The following TASOR2 variants were observed in gnomAD, a reference collection of about 807,000 sequenced individuals.
TASOR2 encodes transcription activation suppressor family member 2.
A neutral mutation model predicts 199.5 loss-of-function variants in TASOR2; 84 were observed. That is an observed-to-expected ratio of 0.42 (90% CI 0.35 to 0.50). TASOR2 has a LOEUF of 0.50. TASOR2 is among the 20% of genes least tolerant of loss of function. The pLI, the probability that TASOR2 is intolerant of heterozygous loss-of-function variation, is 0.02. For synonymous variants in TASOR2, 1,103 were observed against 1,046.6 expected (o/e 1.05, Z -1.04); for missense variants, 2,796 against 2,835.9 (o/e 0.99, Z 0.32).
intron 15 of TASOR2, among the ~76,000 whole-genome samples, chr10:5,755,304 G>A (rs1212317857): frequency 3.3e-5 from 5 of 152,114 alleles, no homozygotes; most frequent in African/African-American, 1.2e-4. Context: ...GCCACACAGT[G>A]GCTCTCGCCT....
chr10:5,748,719 C>T lies in TASOR2; in HGVS notation c.5298C>T (p.Asn1766=). The change falls in exon 15 of 21, where the codon AAC becomes AAT. Residue 1766 remains asparagine (N), a synonymous_variant. Coordinates refer to ENST00000328090, the Ensembl canonical transcript of TASOR2. This position sits in a 1 kb window ranked among gnomAD's most constrained non-coding sequence, Gnocchi z 5.1. ...AAAATACAGCAGACACCAAGGAAAA[C>T]CTCAGTAAAGAGCCTTTGGCCTCCT... 6.2e-7 allele frequency: 1 copy of T among 1,614,202 alleles called. No homozygotes were observed. The highest frequency in any genetic ancestry group is 8.5e-7 in the Non-Finnish European group (1 of 1,180,044).
intron 1 of TASOR2, 33 bp from the exon 2 acceptor site, chr10:5,712,790 A>G: frequency 9.4e-7 from 1 of 1,065,734 alleles, no homozygotes; most frequent in Non-Finnish European, 1.2e-6. Flanking sequence ...GTATGTTTAT[A>G]GCGTTTGGTT....
At position 5,719,812 on chromosome 10, in the gene TASOR2, A is replaced by G. The variant is rs893076609; in HGVS notation, c.-99-732A>G. Among the ~76,000 whole-genome samples the G allele has an allele frequency of 6.6e-6, 1 of 152,184 alleles. No homozygotes were observed. The highest frequency in any genetic ancestry group is 2.4e-5 in the African/African-American group (1 of 41,438). ...GGCCCTGTCATAATAGAAGTATCTC[A>G]GTTTATAATTTACAACTGATCATAG... On this transcript the variant is annotated intron_variant, in intron 3 of 20. Coordinates refer to ENST00000328090, the Ensembl canonical transcript of TASOR2. This position sits in a 1 kb window ranked among gnomAD's most constrained non-coding sequence, Gnocchi z 4.1.
At position 5,707,654 on chromosome 10, in the gene TASOR2, T is replaced by TTCTC. The variant is rs55766705; in HGVS notation, c.-287-5153_-287-5150dup. Among the ~76,000 whole-genome samples, 79 of 135,728 alleles carry TTCTC rather than the reference T, an allele frequency of 5.8e-4. 1 individual carries two copies. Among genetic ancestry groups the TTCTC allele is most frequent in the Middle Eastern group, 7.9e-3 (2 of 252 alleles). 89.0% of individuals were successfully genotyped at this position (135,728 alleles called of 152,430 possible). ...AGAGTAATTAAGATTCTCATTCTCT[T>TTCTC]TCTCTCTCTCTCTCTCTCTGTCTCC... On this transcript the variant is annotated intron_variant, in intron 1 of 20. Transcript: ENST00000328090.
intron 20 of TASOR2, 168 bp from the exon 22 acceptor site, chr10:5,762,861 A>G (rs993539879): frequency 3.8e-5 from 25 of 660,890 alleles, no homozygotes; most frequent in Non-Finnish European, 5.9e-5. Context: ...AAAATTACCT[A>G]TTTTATCTAA....
In TASOR2 at chr10:5,748,450, G is replaced by A. The variant is rs1837532015; in HGVS notation, c.5029G>A (p.Glu1677Lys). The A allele has an allele frequency of 1.2e-6, 2 of 1,614,210 alleles. No individual in the cohort carries two copies. The highest frequency in any genetic ancestry group is 4.5e-5 in the East Asian group (2 of 44,888). ...CCATTATGTAAGACCAATAAATGCA[G>A]AGCCAGTGTTTCAAGCACAGGAAAT... Residue 1677 changes from glutamate to lysine, a missense_variant, in exon 15 of 21, where the codon GAG becomes AAG. Physicochemically the swap from Glu to Lys is moderately conservative, Grantham distance 56. Coordinates refer to ENST00000328090, the Ensembl canonical transcript of TASOR2. The surrounding 1 kb of genome is among the most constrained non-coding windows in gnomAD (Gnocchi z 5.1).
At position 5,719,069 on chromosome 10, in the gene TASOR2, TA is replaced by T. The variant is rs1293634492; in HGVS notation, c.-100+1320del. Among the ~76,000 whole-genome samples, 1 of 152,184 alleles carries T rather than the reference TA, an allele frequency of 6.6e-6. No homozygotes were observed. The highest frequency in any genetic ancestry group is 1.5e-5 in the Non-Finnish European group (1 of 68,028). On this transcript the variant is annotated intron_variant, in intron 3 of 20. Coordinates refer to ENST00000328090, the Ensembl canonical transcript of TASOR2. This position sits in a 1 kb window ranked among gnomAD's most constrained non-coding sequence, Gnocchi z 4.1. Reference sequence around the variant, plus strand: ...GTAGAGATGATTGGTTACTGATAAGTACTATTTACATTTTTTGGCTTGGTGG... The same window carrying T: ...GTAGAGATGATTGGTTACTGATAAGTCTATTTACATTTTTTGGCTTGGTGG...
rs935066266 is a variant in TASOR2 at position 5,701,785 on chromosome 10, C to G, written c.-287-11038C>G. Among the ~76,000 whole-genome samples the G allele has an allele frequency of 6.6e-6, 1 of 152,170 alleles. No individual in the cohort carries two copies. The highest frequency in any genetic ancestry group is 2.4e-5 in the African/African-American group (1 of 41,444). ...TGCTTGCAGTTGGTGTATACCAACG[C>G]TACCGATTTTTGTATGTTGATTTTG... On this transcript the variant is annotated intron_variant, in intron 1 of 20. Coordinates refer to ENST00000328090, the Ensembl canonical transcript of TASOR2. This position sits in a 1 kb window ranked among gnomAD's most constrained non-coding sequence, Gnocchi z 4.9.
chr10:5,690,886 T>A lies in TASOR2; in HGVS notation c.-288+5711T>A, dbSNP rs78176690. Among the ~76,000 whole-genome samples, 2,082 of 152,234 alleles carry A rather than the reference T, an allele frequency of 0.014. 48 individuals carry two copies. Among genetic ancestry groups the A allele is most frequent in the African/African-American group, 0.048 (1,989 of 41,524 alleles). ...GTCACCATATAAGCTTTGAAATAAT[T>A]CTAATGAAAATTATATGACCTTGAG... On this transcript the variant is annotated intron_variant, in intron 1 of 20. Coordinates refer to ENST00000328090, the Ensembl canonical transcript of TASOR2. The surrounding 1 kb of genome is among the most constrained non-coding windows in gnomAD (Gnocchi z 4.8).
chr10:5,728,144 C>T (rs1834291782), intron 10 of TASOR2, among the ~76,000 whole-genome samples: 1 of 151,306 alleles, frequency 6.6e-6, no homozygotes, highest in Non-Finnish European at 1.5e-5. Context: ...TCGCTTGAGC[C>T]CGAGACGTGG....
At position 5,710,132 on chromosome 10, in the gene TASOR2, C is replaced by T. The variant is rs1054533879; in HGVS notation, c.-287-2691C>T. On this transcript the variant is annotated intron_variant, in intron 1 of 20. Coordinates refer to ENST00000328090, the Ensembl canonical transcript of TASOR2. The surrounding 1 kb of genome is among the most constrained non-coding windows in gnomAD (Gnocchi z 4.6). ...TTGTTTGGTGCACTGATTGGACTCT[C>T]AAATGAAAGTGTATTTTGTAAAGAA... Among the ~76,000 whole-genome samples, 31 of 152,076 alleles carry T rather than the reference C, an allele frequency of 2.0e-4. No individual in the cohort carries two copies. Among genetic ancestry groups the T allele is most frequent in the African/African-American group, 7.2e-4 (30 of 41,426 alleles).
In TASOR2 at chr10:5,690,538, G is replaced by A. The variant is rs1210369192; in HGVS notation, c.-288+5363G>A. Among the ~76,000 whole-genome samples, 1 of 152,206 alleles carries A rather than the reference G, an allele frequency of 6.6e-6. No homozygotes were observed. The highest frequency in any genetic ancestry group is 2.4e-5 in the African/African-American group (1 of 41,438). ...CCAGGACATTTTGCGTGGGCTACGT[G>A]TAGAGGTGGTGGCCATACATAGTTA... On this transcript the variant is annotated intron_variant, in intron 1 of 20. Transcript: ENST00000328090. This position sits in a 1 kb window ranked among gnomAD's most constrained non-coding sequence, Gnocchi z 4.8.
chr10:5,748,011 A>C lies in TASOR2; in HGVS notation c.4590A>C (p.Ser1530=). Residue 1530 remains serine (S), a synonymous_variant, in exon 15 of 21, where the codon TCA becomes TCC. Coordinates refer to ENST00000328090, the Ensembl canonical transcript of TASOR2. The surrounding 1 kb of genome is among the most constrained non-coding windows in gnomAD (Gnocchi z 5.1). ...GTAGGGAGTTAAACCAGCCTGCCTC[A>C]GCTGCCAAATGCACAGGTGACTTCA... is the stretch of plus-strand genomic sequence containing the variant. 6.8e-7 allele frequency: 1 copy of C among 1,461,532 alleles called. No individual in the cohort carries two copies. The highest frequency in any genetic ancestry group is 8.6e-7 in the Non-Finnish European group (1 of 1,157,640). The allele number at this position is 1,461,532 out of a possible 1,614,324, so 90.5% of individuals were successfully genotyped here.
At chr10:5,700,947 A>G (rs1564259270) in intron 1 of TASOR2, among the ~76,000 whole-genome samples, 1 of 139,950 alleles carries the variant, frequency 7.1e-6, no homozygotes, top group Middle Eastern at 3.7e-3. Flanking sequence ...TCTTTACTTC[A>G]TTGTTTCCTT....
At chr10:5,708,812 C>T (rs1831548255) in intron 1 of TASOR2, among the ~76,000 whole-genome samples, 1 of 151,996 alleles carries the variant, frequency 6.6e-6, no homozygotes, top group Non-Finnish European at 1.5e-5. Flanking sequence ...AGCCATCGTC[C>T]CACCTCAGCC....
chr10:5,711,855 G>A (rs1432653632), intron 1 of TASOR2, among the ~76,000 whole-genome samples: 1 of 152,042 alleles, frequency 6.6e-6, no homozygotes, highest in Non-Finnish European at 1.5e-5. Context: ...TCTTCTTGAC[G>A]GGTGAGGAAA....
chr10:5,743,469 C>T (rs190753942), intron 14 of TASOR2, among the ~76,000 whole-genome samples: 27 of 152,250 alleles, frequency 1.8e-4, no homozygotes, highest in Non-Finnish European at 2.1e-4. Context: ...ACATAGATGA[C>T]GAGACTAAAG....
At position 5,748,841 on chromosome 10, in the gene TASOR2, C is replaced by A; in HGVS notation, c.5420C>A (p.Ser1807Tyr). The A allele has an allele frequency of 6.2e-7, 1 of 1,614,194 alleles. No individual in the cohort carries two copies. Among genetic ancestry groups the A allele is most frequent in the Non-Finnish European group, 8.5e-7 (1 of 1,180,038 alleles). Reference sequence around the variant, plus strand: ...GAGGGGCTCAGGGCTGAGGCTGGTTCTGAAACCCTAGGCAGAGATGGAGAG... The same window carrying A: ...GAGGGGCTCAGGGCTGAGGCTGGTTATGAAACCCTAGGCAGAGATGGAGAG... The change falls in exon 15 of 21, where the codon TCT (serine) becomes TAT (tyrosine). Residue 1807 changes from serine to tyrosine, a missense_variant. Physicochemically the swap from Ser to Tyr is moderately radical, Grantham distance 144. Transcript: ENST00000328090. This position sits in a 1 kb window ranked among gnomAD's most constrained non-coding sequence, Gnocchi z 5.1.
Position 5,730,397 on chromosome 10 carries a change from A to C in TASOR2, c.488-90A>C. 1.0e-6 allele frequency: 1 copy of C among 992,346 alleles called. No individual in the cohort carries two copies. Among genetic ancestry groups the C allele is most frequent in the Admixed American group, 2.5e-5 (1 of 39,850 alleles). The allele number at this position is 992,346 out of a possible 1,614,324, so 61.5% of individuals were successfully genotyped here. The stretch of plus-strand genomic sequence containing the variant: ...ATACTATAACATATTTAACCATCAC[A>C]TAATTTTGAAATCTAAAGCTTTTTT... On this transcript the variant is annotated intron_variant, in intron 10 of 20. Transcript: ENST00000328090. This position sits in a 1 kb window ranked among gnomAD's most constrained non-coding sequence, Gnocchi z 4.1.
Sources: gnomAD v4.1 joint callset for allele counts (sites outside exome capture counted in the v4.1 genomes callset) on GRCh38, gnomAD v4.1.1 for gene constraint, Gnocchi (gnomAD v3.1) non-coding constraint, MANE v1.5 for transcripts, NCBI Gene and HGNC (gene_info 2026-07-23, HGNC 2026-07-21) for gene names.